EYA2: variants seen among roughly 807,000 people sequenced by gnomAD.
EYA2 encodes protein phosphatase EYA2.
EYA2 carries 31 observed loss-of-function variants against 69.2 expected under a neutral mutation model. The observed-to-expected ratio is 0.45, with a 90% CI of 0.34 to 0.60. EYA2 has a LOEUF of 0.60. Among genes scored for constraint, EYA2 ranks in the 20% least tolerant of loss-of-function variants. The pLI is 0.02. For synonymous variants in EYA2, 257 were observed against 279.4 expected (o/e 0.92, Z 0.80); for missense variants, 622 against 701.2 (o/e 0.89, Z 1.28).
intron 9 of EYA2, among the ~76,000 whole-genome samples, chr20:47,110,488 C>A (rs1448728640): frequency 6.6e-6 from 1 of 152,168 alleles, no homozygotes; most frequent in East Asian, 1.9e-4. Context: ...TCCCAAAGTG[C>A]TGTGATTACA....
chr20:47,054,240 C>A (rs910081562), intron 5 of EYA2, among the ~76,000 whole-genome samples: 9 of 152,248 alleles, frequency 5.9e-5, no homozygotes, highest in South Asian at 4.2e-4. Context: ...CCTGATGCCA[C>A]CCCTGGCTGA....
intron 1 of EYA2, among the ~76,000 whole-genome samples, chr20:46,908,922 A>G (rs1404305553): frequency 8.3e-6 from 1 of 120,604 alleles, no homozygotes; most frequent in Non-Finnish European, 1.6e-5. Context: ...ATTCCTGACC[A>G]GAAAGGATGC....
At chr20:47,056,366 T>C (rs2146444630) in intron 5 of EYA2, among the ~76,000 whole-genome samples, 1 of 143,668 alleles carries the variant, frequency 7.0e-6, no homozygotes, top group East Asian at 2.0e-4. Context: ...TCCAAATTGT[T>C]TTTTTTTTTT....
At chr20:46,928,639 C>T (rs1272966530) in intron 1 of EYA2, among the ~76,000 whole-genome samples, 6 of 152,318 alleles carry the variant, frequency 3.9e-5, no homozygotes, top group South Asian at 4.1e-4. Context: ...CTGTGCCCTC[C>T]GGGAGCTGTT....
At chr20:47,003,737 CTTTA>C (rs1455484659) in intron 3 of EYA2, among the ~76,000 whole-genome samples, 1 of 152,228 alleles carries the variant, frequency 6.6e-6, no homozygotes, top group Non-Finnish European at 1.5e-5. Flanking sequence ...CTGACCTTGA[CTTTA>C]TTTATTGCTA....
At chr20:46,915,991 C>T (rs1441943784) in intron 1 of EYA2, among the ~76,000 whole-genome samples, 1 of 152,186 alleles carries the variant, frequency 6.6e-6, no homozygotes, top group African/African-American at 2.4e-5. Flanking sequence ...AAAAGATCAA[C>T]CGAAATGACC....
chr20:47,168,072 G>A (rs984150552), intron 10 of EYA2, among the ~76,000 whole-genome samples: 3 of 152,130 alleles, frequency 2.0e-5, no homozygotes, highest in African/African-American at 7.2e-5. Context: ...TCCCCGGGCT[G>A]GTTCCCATTG....
At chr20:47,135,081 C>A (rs557749465) in intron 9 of EYA2, among the ~76,000 whole-genome samples, 110 of 144,462 alleles carry the variant, frequency 7.6e-4, no homozygotes, top group African/African-American at 2.8e-3. Flanking sequence ...GAGCCGAGAT[C>A]ACGCCACTGT....
At chr20:47,184,976 T>C (rs6124967) in intron 15 of EYA2, among the ~76,000 whole-genome samples, 85,692 of 151,952 alleles carry the variant, frequency 0.56, 26,019 homozygotes, top group African/African-American at 0.81. Flanking sequence ...GGCAGAAGCC[T>C]CAGAACGTTA....
At chr20:47,056,818 G>A (rs555208165) in intron 5 of EYA2, among the ~76,000 whole-genome samples, 1 of 152,270 alleles carries the variant, frequency 6.6e-6, no homozygotes, top group African/African-American at 2.4e-5. Context: ...GCCGAGGCGG[G>A]CAGATTGCTT....
intron 1 of EYA2, among the ~76,000 whole-genome samples, chr20:46,917,689 A>G (rs6018169): frequency 0.87 from 132,523 of 152,244 alleles, 58,389 homozygotes; most frequent in East Asian, 0.97. Flanking sequence ...ATTACTGTAC[A>G]TAGGCCACTA....
At chr20:46,916,940 A>G (rs1278317892) in intron 1 of EYA2, among the ~76,000 whole-genome samples, 3 of 152,238 alleles carry the variant, frequency 2.0e-5, no homozygotes, top group Non-Finnish European at 4.4e-5. Context: ...GAGATAACCT[A>G]TAAAATACAT....
intron 8 of EYA2, among the ~76,000 whole-genome samples, chr20:47,095,000 A>G (rs1241375862): frequency 2.7e-5 from 4 of 150,434 alleles, no homozygotes; most frequent in Admixed American, 2.0e-4. Flanking sequence ...GCCACTGCAC[A>G]CAGGCCCTGT....
chr20:47,107,059 A>ATG (rs975971518), intron 9 of EYA2, among the ~76,000 whole-genome samples: 35 of 152,216 alleles, frequency 2.3e-4, no homozygotes, highest in African/African-American at 7.2e-4. Flanking sequence ...CTCCATAGAA[A>ATG]TGTGTGCATT....
Position 46,996,961 on chromosome 20 carries a change from T to C in EYA2, c.110-4467T>C, listed in dbSNP as rs542990393. Reference sequence around the variant, plus strand: ...GGTGGTCTGAATATACGCCAGAAAGTGGCTCGAGACTATGACATTTGTGAG... The same window carrying C: ...GGTGGTCTGAATATACGCCAGAAAGCGGCTCGAGACTATGACATTTGTGAG... On this transcript the variant is annotated intron_variant, in intron 2 of 15. Transcript: ENST00000327619. 6.6e-4 allele frequency among the ~76,000 whole-genome samples: 100 copies of C among 151,932 alleles called. 1 individual carries two copies. The highest frequency in any genetic ancestry group is 2.4e-3 in the African/African-American group (99 of 41,438).
At chr20:47,084,747 G>C (rs1405168665) in intron 7 of EYA2, among the ~76,000 whole-genome samples, 1 of 152,018 alleles carries the variant, frequency 6.6e-6, no homozygotes, top group Non-Finnish European at 1.5e-5. Context: ...CATACCAAGG[G>C]CTGGCAAGGA....
At chr20:47,187,020 C>A (rs562441361) in intron 15 of EYA2, among the ~76,000 whole-genome samples, 15 of 151,740 alleles carry the variant, frequency 9.9e-5, no homozygotes, top group Non-Finnish European at 2.2e-4. Context: ...GATCTGCATT[C>A]CAGCATGGAC....
chr20:47,025,896 G>GT, intron 5 of EYA2, among the ~76,000 whole-genome samples: 1 of 152,332 alleles, frequency 6.6e-6, no homozygotes, highest in Admixed American at 6.5e-5. Flanking sequence ...CAGGGCAGTA[G>GT]TAATTTCTAA....
chr20:46,963,609 C>T (rs1483148901), intron 1 of EYA2, among the ~76,000 whole-genome samples: 1 of 152,190 alleles, frequency 6.6e-6, no homozygotes, highest in Non-Finnish European at 1.5e-5. Flanking sequence ...TGACAATGTC[C>T]AGGCCTTATC....
Sources: gnomAD v4.1 joint callset for allele counts (sites outside exome capture counted in the v4.1 genomes callset) on GRCh38, gnomAD v4.1.1 for gene constraint, MANE v1.5 for transcripts, NCBI Gene and HGNC (gene_info 2026-07-23, HGNC 2026-07-21) for gene names.